Variants in CPZ observed in about 807,000 individuals in gnomAD.
CPZ encodes carboxypeptidase Z.
Under a neutral mutation model 61.8 loss-of-function variants are expected in CPZ, and 103 were observed. The observed-to-expected ratio is 1.67, with a 90% CI of 1.42 to 1.96. The LOEUF is 1.96. CPZ is among the 30% of genes most tolerant of loss of function. CPZ has a pLI of 0.00. For missense variants in CPZ, 1,461 were observed against 914.9 expected (o/e 1.60, Z -7.70); for synonymous variants, 551 against 373.7 (o/e 1.47, Z -5.47).
In CPZ at chr4:8,601,242, C is replaced by G. The variant is rs1714552798; in HGVS notation, c.241C>G (p.Leu81Val). 2 of 1,613,542 alleles carry G rather than the reference C, an allele frequency of 1.2e-6. No individual in the cohort carries two copies. Among genetic ancestry groups the G allele is most frequent in the Non-Finnish European group, 1.7e-6 (2 of 1,179,922 alleles). ...GGTGGAGGCCAGCTCCGAGTACATC[C>G]TGCTGAGCGTTCTACACCAGCTCCT... Reference protein sequence around the residue: ...EVVEASSEYILLSVLHQLLEG... With the variant: ...EVVEASSEYIVLSVLHQLLEG... Residue 81 changes from leucine (L) to valine (V), a missense_variant, in exon 3 of 11, where the codon CTG becomes GTG. Coordinates refer to ENST00000360986, the MANE Select transcript of CPZ (RefSeq NM_001014447.3).
chr4:8,606,882 A>T lies in CPZ; in HGVS notation c.1052A>T (p.His351Leu), dbSNP rs766655988. The T allele has an allele frequency of 1.2e-6, 2 of 1,611,668 alleles. No individual in the cohort carries two copies. Among genetic ancestry groups the T allele is most frequent in the African/African-American group, 2.7e-5 (2 of 74,906 alleles). Residue 351 changes from histidine to leucine, a missense_variant, in exon 6 of 11, where the codon CAC becomes CTC. Coordinates refer to ENST00000360986, the MANE Select transcript of CPZ (RefSeq NM_001014447.3). The part of the protein sequence containing the change: ...ARSDHIPIPQ[H>L]YWWGKVAPET... Reference sequence around the variant, plus strand: ...AGCGACCACATCCCCATCCCCCAGCACTACTGGTGGGGTAAGGTAGGAGCC... The same window carrying T: ...AGCGACCACATCCCCATCCCCCAGCTCTACTGGTGGGGTAAGGTAGGAGCC...
Position 8,614,434 on chromosome 4 carries a change from C to T in CPZ, c.1439C>T (p.Pro480Leu), listed in dbSNP as rs546238084. 16 of 1,613,930 alleles carry T rather than the reference C, an allele frequency of 9.9e-6. No homozygotes were observed. Among genetic ancestry groups the T allele is most frequent in the East Asian group, 6.7e-5 (3 of 44,888 alleles). The change falls in exon 9 of 11, where the codon CCC (proline) becomes CTC (leucine). Residue 480 changes from proline (P) to leucine (L), a missense_variant. Pro to Leu is a moderately conservative substitution (Grantham distance 98). Transcript: ENST00000360986. ...TVELGCVKFP[P>L]EEALYILWQH... ...GAGCTGGGCTGTGTGAAGTTCCCCC[C>T]CGAGGAGGCCCTGTACATACTCTGG...
rs759931672 is a variant in CPZ at position 8,618,454 on chromosome 4, T to C, written c.1529T>C (p.Val510Ala). ...GTGCACCGGGGCATCAAAGGTGTGG[T>C]GACAGATAAATTCGGCAAGCCAGTC... ...ETVHRGIKGV[V>A]TDKFGKPVKN... The change falls in exon 10 of 11, where the codon GTG (valine) becomes GCG (alanine). Residue 510 changes from valine (V) to alanine (A), a missense_variant. Transcript: ENST00000360986. 3.1e-6 allele frequency: 5 copies of C among 1,614,004 alleles called. No homozygotes were observed. Among genetic ancestry groups the C allele is most frequent in the African/African-American group, 1.3e-5 (1 of 74,922 alleles).
rs1577132173 is a variant in CPZ, at chr4:8,618,433, A to C, written c.1508A>C (p.His503Pro). The C allele has an allele frequency of 1.9e-6, 3 of 1,613,716 alleles. No individual in the cohort carries two copies. The highest frequency in any genetic ancestry group is 2.5e-6 in the Non-Finnish European group (3 of 1,179,904). ...ESLLNFVETV[H>P]RGIKGVVTDK... ...GCCTCCCCTTGGTCTCTTCAGGTGC[A>C]CCGGGGCATCAAAGGTGTGGTGACA... is the stretch of plus-strand genomic sequence containing the variant. Residue 503 changes from histidine to proline, a missense_variant, in exon 10 of 11, where the codon CAC becomes CCC. By Grantham distance (77) the His-to-Pro change is moderately conservative (BLOSUM62 -2). Coordinates refer to ENST00000360986, the MANE Select transcript of CPZ (RefSeq NM_001014447.3).
intron 1 of CPZ, 40 bp from the exon 2 acceptor site, chr4:8,599,413 G>A (rs1387745507): frequency 6.4e-7 from 1 of 1,568,058 alleles, no homozygotes; most frequent in East Asian, 2.3e-5. Context: ...GTGAAGGATG[G>A]CGAGGCAGGT....
At chr4:8,601,664 T>A (rs972259879) in intron 3 of CPZ, among the ~76,000 whole-genome samples, 167 bp downstream of exon 3, 1 of 152,020 alleles carries the variant, frequency 6.6e-6, no homozygotes, top group African/African-American at 2.4e-5. Context: ...CACAAAAGGG[T>A]GCCAGGCAGG....
intron 7 of CPZ, among the ~76,000 whole-genome samples, chr4:8,610,774 G>A (rs1482825323): frequency 3.3e-5 from 5 of 152,166 alleles, no homozygotes; most frequent in Non-Finnish European, 7.4e-5. Context: ...TCCATGGTCT[G>A]CCACCCTGGA....
chr4:8,615,143 G>A (rs549694803), intron 9 of CPZ, among the ~76,000 whole-genome samples: 43 of 152,196 alleles, frequency 2.8e-4, no homozygotes, highest in African/African-American at 7.2e-4. Flanking sequence ...GGGGCAGGGC[G>A]TCCTGACTGA....
chr4:8,600,846 C>T, intron 2 of CPZ: 1 of 1,011,674 alleles, frequency 9.9e-7, no homozygotes, highest in Non-Finnish European at 1.3e-6. Context: ...TTGTGTGGCA[C>T]AGCTGCTTTG....
intron 1 of CPZ, among the ~76,000 whole-genome samples, chr4:8,598,479 T>C (rs902008344): frequency 2.6e-5 from 4 of 152,222 alleles, no homozygotes; most frequent in African/African-American, 4.8e-5. Context: ...GCAGGCCTTT[T>C]CCTCTGCTCC....
At chr4:8,614,540 T>C in intron 9 of CPZ, 42 bp downstream of exon 9, 1 of 1,596,528 alleles carries the variant, frequency 6.3e-7, no homozygotes, top group South Asian at 1.1e-5. Flanking sequence ...AGCTGTGGCC[T>C]GGGTGGGGTG....
In CPZ at chr4:8,609,136, T is replaced by TCACCCA. The variant is rs1560297948; in HGVS notation, c.1227+1711_1227+1712insCACCCA. ...CTCACTCCCTCACTCATTCACTCAT[T>TCACCCA]TACTCATTCACCCACTCCCTCACTC... On this transcript the variant is annotated intron_variant, in intron 7 of 10. Transcript: ENST00000360986. Among the ~76,000 whole-genome samples, 393 of 131,724 alleles carry TCACCCA rather than the reference T, an allele frequency of 3.0e-3. 3 individuals carry two copies. The highest frequency in any genetic ancestry group is 8.3e-3 in the African/African-American group (313 of 37,750). The allele number at this position is 131,724 out of a possible 152,430, so 86.4% of individuals were successfully genotyped here. A position where few individuals can be genotyped will look rare whatever the true frequency, so the allele number is the denominator to read the frequency against.
chr4:8,604,122 C>G lies in CPZ; in HGVS notation c.643C>G (p.Arg215Gly). 6.3e-7 allele frequency: 1 copy of G among 1,598,654 alleles called. No homozygotes were observed. Among genetic ancestry groups the G allele is most frequent in the Non-Finnish European group, 8.5e-7 (1 of 1,172,960 alleles). Residue 215 changes from arginine to glycine, a missense_variant, in exon 4 of 11, where the codon CGC becomes GGC. Transcript: ENST00000360986. ...CGTGGCCAGGACCTACAGCATCGGG[C>G]GCAGCTTCGACGGCAGGGAGCTGCT... Reference protein sequence around the residue: ...AHVARTYSIGRSFDGRELLVI... With the variant: ...AHVARTYSIGGSFDGRELLVI...
chr4:8,617,175 G>A (rs1019214854), intron 9 of CPZ, among the ~76,000 whole-genome samples: 1 of 152,182 alleles, frequency 6.6e-6, no homozygotes, highest in Admixed American at 6.5e-5. Context: ...GTCACGGCGG[G>A]GGTCAGCCGC....
chr4:8,603,622 T>A, intron 3 of CPZ: 2 of 283,220 alleles, frequency 7.1e-6, no homozygotes, highest in Non-Finnish European at 1.3e-5. Flanking sequence ...CCCAGGAAAA[T>A]CCCCTCTGCA....
chr4:8,615,918 C>T (rs1716122994), intron 9 of CPZ, among the ~76,000 whole-genome samples: 1 of 152,248 alleles, frequency 6.6e-6, no homozygotes. Flanking sequence ...ATTTGAGTTT[C>T]TTTCTGATGG....
chr4:8,604,514 T>C (rs1714798614), intron 4 of CPZ, among the ~76,000 whole-genome samples: 1 of 152,232 alleles, frequency 6.6e-6, no homozygotes. Context: ...AGAGTTTTGC[T>C]CTTGTTGCCC....
At chr4:8,606,311 G>C (rs1401601754) in intron 5 of CPZ, 126 bp downstream of exon 5, 1 of 958,872 alleles carries the variant, frequency 1.0e-6, no homozygotes, top group Non-Finnish European at 1.5e-6. Flanking sequence ...CATTCAGCAG[G>C]TGTCGATACT....
chr4:8,613,783 G>A (rs139874261), intron 8 of CPZ, among the ~76,000 whole-genome samples: 217 of 152,328 alleles, frequency 1.4e-3, no homozygotes, highest in African/African-American at 4.9e-3. Flanking sequence ...GTGGCTGGTT[G>A]TCCACCCTAG....
Sources: gnomAD v4.1 joint callset for allele counts (sites outside exome capture counted in the v4.1 genomes callset) on GRCh38, gnomAD v4.1.1 for gene constraint, MANE v1.5 for transcripts, NCBI Gene and HGNC (gene_info 2026-07-23, HGNC 2026-07-21) for gene names.